The following PTPRM variants were observed in gnomAD, a reference collection of about 807,000 sequenced individuals.
PTPRM encodes the protein receptor-type tyrosine-protein phosphatase mu.
Under a neutral mutation model 186.7 loss-of-function variants are expected in PTPRM, and 47 were observed. The observed-to-expected ratio is 0.25, with a 90% CI of 0.20 to 0.32. PTPRM has a LOEUF of 0.32. Ranked by LOEUF, PTPRM falls within the 10% of genes least tolerant of loss-of-function variation. The pLI, the probability that PTPRM is intolerant of heterozygous loss-of-function variation, is 1.00. For missense variants in PTPRM, 1,494 were observed against 1,865.0 expected, an observed-to-expected ratio of 0.80 and a Z score of 3.66; for synonymous variants, 668 against 674.9, an observed-to-expected ratio of 0.99 and a Z score of 0.16.
intron 1 of PTPRM, among the ~76,000 whole-genome samples, chr18:7,605,584 C>A (rs992124361): frequency 6.6e-6 from 1 of 152,072 alleles, no homozygotes; most frequent in Non-Finnish European, 1.5e-5. Context: ...TGAATCGAAC[C>A]AAATCTCTTT....
intron 13 of PTPRM, among the ~76,000 whole-genome samples, chr18:8,130,784 A>G (rs182672637): frequency 5.5e-4 from 84 of 152,342 alleles, no homozygotes; most frequent in Non-Finnish European, 1.1e-3. Context: ...CTGGAACCCA[A>G]TGCACACAGT....
At chr18:8,362,057 T>A (rs2095600063) in intron 23 of PTPRM, among the ~76,000 whole-genome samples, 1 of 152,152 alleles carries the variant, frequency 6.6e-6, no homozygotes, top group Non-Finnish European at 1.5e-5. Flanking sequence ...CCCTGATATG[T>A]GCCTGTTATC....
chr18:7,684,311 A>G (rs918682222), intron 1 of PTPRM, among the ~76,000 whole-genome samples: 1 of 152,088 alleles, frequency 6.6e-6, no homozygotes, highest in African/African-American at 2.4e-5. Context: ...AAATAAATAA[A>G]TAAAATAAAT....
chr18:7,769,688 G>A (rs1027868002), intron 1 of PTPRM, among the ~76,000 whole-genome samples: 4 of 152,056 alleles, frequency 2.6e-5, no homozygotes, highest in African/African-American at 9.7e-5. Flanking sequence ...TAATTTTTAT[G>A]TTATTGTGTT....
intron 1 of PTPRM, among the ~76,000 whole-genome samples, chr18:7,684,415 G>A (rs551714458): frequency 9.2e-4 from 140 of 152,118 alleles, no homozygotes; most frequent in Non-Finnish European, 1.8e-3. Context: ...ATATGTTATT[G>A]TTGATTATGG....
chr18:8,281,710 G>A (rs760835558), intron 19 of PTPRM, among the ~76,000 whole-genome samples: 1 of 152,110 alleles, frequency 6.6e-6, no homozygotes, highest in Non-Finnish European at 1.5e-5. Context: ...GTCCACAGAC[G>A]CATTTGAAGA....
At chr18:8,212,073 C>T (rs577289570) in intron 14 of PTPRM, among the ~76,000 whole-genome samples, 2 of 152,132 alleles carry the variant, frequency 1.3e-5, no homozygotes, top group East Asian at 3.9e-4. Context: ...GATGTCAAGA[C>T]CTTTGTTGAA....
intron 1 of PTPRM, among the ~76,000 whole-genome samples, chr18:7,601,211 G>A (rs1476754613): frequency 2.0e-5 from 3 of 152,330 alleles, no homozygotes; most frequent in African/African-American, 7.2e-5. Flanking sequence ...TTTCTGAACA[G>A]TTTCGTGGAT....
chr18:8,151,705 A>C (rs1416366939), intron 14 of PTPRM, among the ~76,000 whole-genome samples: 8 of 151,338 alleles, frequency 5.3e-5, no homozygotes, highest in Admixed American at 3.3e-4. Flanking sequence ...AAAAAAAAAA[A>C]AAAAAAACTC....
chr18:8,068,481 T>C (rs1331589089), intron 7 of PTPRM, among the ~76,000 whole-genome samples: 2 of 152,230 alleles, frequency 1.3e-5, no homozygotes, highest in Non-Finnish European at 2.9e-5. Context: ...AAATTTAAGC[T>C]TTCTCTGCAT....
At chr18:7,812,245 A>G (rs2044562484) in intron 2 of PTPRM, among the ~76,000 whole-genome samples, 1 of 152,088 alleles carries the variant, frequency 6.6e-6, no homozygotes, top group African/African-American at 2.4e-5. Flanking sequence ...TCCTTATTTC[A>G]GGTTTTCAAG....
At chr18:7,678,662 T>C (rs1433011611) in intron 1 of PTPRM, among the ~76,000 whole-genome samples, 1 of 152,184 alleles carries the variant, frequency 6.6e-6, no homozygotes, top group Non-Finnish European at 1.5e-5. Flanking sequence ...ACAGAAATGG[T>C]ATTATGTCAT....
chr18:7,594,708 G>A (rs989169377), intron 1 of PTPRM, among the ~76,000 whole-genome samples: 1 of 152,162 alleles, frequency 6.6e-6, no homozygotes, highest in East Asian at 1.9e-4. Flanking sequence ...TTGGACAACA[G>A]AATGGGTGAT....
chr18:7,941,486 CATTT>C (rs1470862033), intron 5 of PTPRM, among the ~76,000 whole-genome samples: 1 of 152,230 alleles, frequency 6.6e-6, no homozygotes, highest in African/African-American at 2.4e-5. Context: ...ATCAGATGCA[CATTT>C]ATTTTTATTG....
intron 7 of PTPRM, among the ~76,000 whole-genome samples, chr18:8,025,734 A>G (rs1200042794): frequency 6.6e-6 from 1 of 152,236 alleles, no homozygotes; most frequent in African/African-American, 2.4e-5. Context: ...TCAAGGGAAC[A>G]AAAGTAATTA....
chr18:7,651,176 G>T (rs902834338), intron 1 of PTPRM, among the ~76,000 whole-genome samples: 1 of 151,998 alleles, frequency 6.6e-6, no homozygotes, highest in Non-Finnish European at 1.5e-5. Flanking sequence ...GCCCGCCTCA[G>T]CCTCCAAAAA....
intron 1 of PTPRM, among the ~76,000 whole-genome samples, chr18:7,695,266 A>G (rs568439077): frequency 4.0e-4 from 61 of 152,300 alleles, no homozygotes; most frequent in African/African-American, 1.4e-3. Context: ...AGAAAAATGT[A>G]TGCTTTAGAT....
chr18:8,280,774 G>A (rs565994648), intron 19 of PTPRM, among the ~76,000 whole-genome samples: 56 of 152,172 alleles, frequency 3.7e-4, no homozygotes, highest in African/African-American at 1.1e-3. Context: ...GAGGGACCAC[G>A]CACAATGGCT....
intron 14 of PTPRM, among the ~76,000 whole-genome samples, chr18:8,163,532 C>T (rs562327684): frequency 6.6e-6 from 1 of 152,134 alleles, no homozygotes; most frequent in Non-Finnish European, 1.5e-5. Context: ...GCACAGAGGA[C>T]AATATTTTAC....
Sources: allele counts gnomAD v4.1 joint callset (sites outside exome capture counted in the v4.1 genomes callset), GRCh38; gene constraint gnomAD v4.1.1; transcripts MANE v1.5; gene names NCBI Gene and HGNC (gene_info 2026-07-23, HGNC 2026-07-21).